PCDHA5: variants seen among roughly 807,000 people sequenced by gnomAD.
The protein encoded by PCDHA5 is protocadherin alpha-5.
A neutral mutation model predicts 61.6 loss-of-function variants in PCDHA5; 43 were observed. The observed-to-expected ratio is 0.70, with a 90% confidence interval of 0.55 to 0.90. The LOEUF (loss-of-function observed/expected upper bound fraction) is 0.90. Among genes scored for constraint, PCDHA5 ranks in the 40% least tolerant of loss-of-function variants. The pLI is 0.00. For synonymous variants in PCDHA5, 627 were observed against 543.9 expected, an observed-to-expected ratio of 1.15 and a Z score of -2.13; for missense variants, 1,298 against 1,222.7, an observed-to-expected ratio of 1.06 and a Z score of -0.92.
At chr5:140,966,414 G>A (rs1310333281) in intron 1 of PCDHA5, 5 of 420,334 alleles carry the variant, frequency 1.2e-5, no homozygotes, top group African/African-American at 2.1e-5. Context: ...AATCAGAGCA[G>A]GACTTGCTGA....
chr5:140,863,076 G>C (rs782126148), intron 1 of PCDHA5: 2 of 570,034 alleles, frequency 3.5e-6, no homozygotes, highest in South Asian at 2.7e-5. Context: ...GGCTCTGCAC[G>C]GGCGAGATCA....
At chr5:140,831,720 G>C (rs1771679681) in intron 1 of PCDHA5, among the ~76,000 whole-genome samples, 1 of 151,962 alleles carries the variant, frequency 6.6e-6, no homozygotes, top group Non-Finnish European at 1.5e-5. Context: ...GTGAGTTTTG[G>C]TGTTATCCTC....
intron 1 of PCDHA5, chr5:140,967,112 C>G: frequency 6.2e-7 from 1 of 1,612,994 alleles, no homozygotes; most frequent in Non-Finnish European, 8.5e-7. Context: ...GCAGCGGCCT[C>G]GCTGCCTGCT....
chr5:140,901,459 C>G (rs528238941), intron 1 of PCDHA5, among the ~76,000 whole-genome samples: 1 of 152,160 alleles, frequency 6.6e-6, no homozygotes, highest in South Asian at 2.1e-4. Flanking sequence ...CACAGACTGT[C>G]TTTTCTCGAG....
At position 140,993,462 on chromosome 5, in the gene PCDHA5, TCACACACACACACACACACA is replaced by T. The variant is rs3836747; in HGVS notation, c.2500+10927_2500+10946del. ...CATTCCTGTTCTCCTTCTTTCTTTC[TCACACACACACACACACACA>T]CACACACACACACACACACACACAC... On this transcript the variant is annotated intron_variant, in intron 3 of 3. Coordinates refer to ENST00000529859, the MANE Select transcript of PCDHA5 (RefSeq NM_018908.3). Among the ~76,000 whole-genome samples the T allele has an allele frequency of 7.1e-5, 10 of 141,044 alleles. No individual in the cohort carries two copies. In the South Asian group the frequency reaches 9.5e-4, roughly 13 times the overall value. The allele number at this position is 141,044 out of a possible 152,430, so 92.5% of individuals were successfully genotyped here.
At chr5:140,861,660 G>C (rs1410564922) in intron 1 of PCDHA5, 1 of 269,190 alleles carries the variant, frequency 3.7e-6, no homozygotes, top group Admixed American at 4.3e-5. Context: ...TCTGAAACGA[G>C]AGCTCTTGAT....
At chr5:140,836,938 A>G in intron 1 of PCDHA5, 1 of 463,722 alleles carries the variant, frequency 2.2e-6, no homozygotes, top group Non-Finnish European at 3.7e-6. Flanking sequence ...AATACTATAG[A>G]TCAAAATCTA....
intron 1 of PCDHA5, among the ~76,000 whole-genome samples, chr5:140,950,636 T>A (rs528587890): frequency 1.4e-3 from 206 of 152,222 alleles, no homozygotes; most frequent in Non-Finnish European, 2.4e-3. Flanking sequence ...TTTATTTTTA[T>A]CCTGTTTATG....
intron 1 of PCDHA5, chr5:140,851,527 A>C (rs1335605014): frequency 2.2e-6 from 2 of 905,622 alleles, no homozygotes; most frequent in Middle Eastern, 5.6e-4. Context: ...AAAATGCCTG[A>C]CAATGTAGAT....
intron 1 of PCDHA5, among the ~76,000 whole-genome samples, chr5:140,873,677 T>A (rs1358245351): frequency 6.6e-6 from 1 of 152,212 alleles, no homozygotes; most frequent in African/African-American, 2.4e-5. Flanking sequence ...TTGTTTCTTT[T>A]TGAGATAGAG....
At chr5:140,968,684 G>A in intron 1 of PCDHA5, 1 of 1,614,140 alleles carries the variant, frequency 6.2e-7, no homozygotes, top group Non-Finnish European at 8.5e-7. Flanking sequence ...GCTGCACACA[G>A]GAGAAATTAG....
chr5:140,827,747 C>T lies in PCDHA5; in HGVS notation c.2352+3620C>T, dbSNP rs1323675103. On this transcript the variant is annotated intron_variant, in intron 1 of 3. Transcript: ENST00000529859. The stretch of plus-strand genomic sequence containing the variant: ...TTGTTTAGCTGTGAATAATTAGATC[C>T]CTTACTTTAAATTAATAAAAGAAGT... 2.0e-5 allele frequency among the ~76,000 whole-genome samples: 3 copies of T among 152,240 alleles called. No individual in the cohort carries two copies. In the East Asian group the frequency reaches 5.8e-4, roughly 29 times the overall value.
At chr5:140,912,689 CA>C (rs781833135) in intron 1 of PCDHA5, among the ~76,000 whole-genome samples, 5 of 152,112 alleles carry the variant, frequency 3.3e-5, no homozygotes, top group African/African-American at 4.8e-5. Context: ...TTCCAGGTCT[CA>C]GGGGGAATGC....
chr5:140,882,111 C>A, intron 1 of PCDHA5: 1 of 1,379,348 alleles, frequency 7.2e-7, no homozygotes, highest in Non-Finnish European at 9.8e-7. Context: ...GCGAAGAAAG[C>A]CGCCGTTTCT....
At position 140,851,049 on chromosome 5, in the gene PCDHA5, T is replaced by C. The variant is rs114642351; in HGVS notation, c.2352+26922T>C. 2.7e-3 allele frequency: 3,765 copies of C among 1,386,504 alleles called. 305 individuals are homozygous for C. The highest frequency in any genetic ancestry group is 3.1e-3 in the Non-Finnish European group (3,266 of 1,057,356). The allele number at this position is 1,386,504 out of a possible 1,614,324, so 85.9% of individuals were successfully genotyped here. On this transcript the variant is annotated intron_variant, in intron 1 of 3. Coordinates refer to ENST00000529859, the MANE Select transcript of PCDHA5 (RefSeq NM_018908.3). ...AACCCCTTAACATTGGAGCCGACTTTGTCTTGACTTCTAGTGAGAATTATA... is the reference window on the plus strand; with the variant it reads ...AACCCCTTAACATTGGAGCCGACTTCGTCTTGACTTCTAGTGAGAATTATA...
At chr5:140,963,957 A>T (rs1585999636) in intron 1 of PCDHA5, among the ~76,000 whole-genome samples, 1 of 152,230 alleles carries the variant, frequency 6.6e-6, no homozygotes. Flanking sequence ...CACTGGCAGG[A>T]GTGTGACTGA....
chr5:141,000,926 G>T (rs1554257936), intron 3 of PCDHA5, among the ~76,000 whole-genome samples: 1 of 151,956 alleles, frequency 6.6e-6, no homozygotes, highest in Non-Finnish European at 1.5e-5. Flanking sequence ...AAAATCCTGT[G>T]TGATTTAGGA....
At chr5:140,876,056 T>G in intron 1 of PCDHA5, 1 of 1,613,918 alleles carries the variant, frequency 6.2e-7, no homozygotes, top group Non-Finnish European at 8.5e-7. Flanking sequence ...CCTGAATTAG[T>G]TCTTCGGAAG....
chr5:140,967,665 C>T (rs782126222), intron 1 of PCDHA5: 23 of 1,614,036 alleles, frequency 1.4e-5, no homozygotes, highest in East Asian at 2.2e-5. Context: ...AGCAGCTACA[C>T]GTCGGACCGG....
Sources: gnomAD v4.1 joint callset for allele counts (sites outside exome capture counted in the v4.1 genomes callset) on GRCh38, gnomAD v4.1.1 for gene constraint, MANE v1.5 for transcripts, NCBI Gene and HGNC (gene_info 2026-07-23, HGNC 2026-07-21) for gene names.